The following ANKRD55 variants were observed in gnomAD, a reference collection of about 807,000 sequenced individuals.
ANKRD55 encodes the protein ankyrin repeat domain 55.
A neutral mutation model predicts 60.6 loss-of-function variants in ANKRD55; 41 were observed. The ratio of observed to expected loss-of-function variants is 0.68; its 90% CI spans 0.53 to 0.88. The LOEUF (loss-of-function observed/expected upper bound fraction) is 0.88, where lower values mean the gene tolerates loss of function less well. Ranked by LOEUF, ANKRD55 falls within the 40% of genes least tolerant of loss-of-function variation. ANKRD55 has a pLI of 0.00. For synonymous variants in ANKRD55, 264 were observed against 290.3 expected, an observed-to-expected ratio of 0.91 and a Z score of 0.92; for missense variants, 732 against 767.6, an observed-to-expected ratio of 0.95 and a Z score of 0.55.
intron 3 of ANKRD55, among the ~76,000 whole-genome samples, chr5:56,181,413 T>C (rs1758846584): frequency 6.6e-6 from 1 of 152,200 alleles, no homozygotes; most frequent in Non-Finnish European, 1.5e-5. Context: ...CTGAGATTTT[T>C]ATTATTAATA....
At chr5:56,229,915 T>C (rs1437460636) in intron 2 of ANKRD55, among the ~76,000 whole-genome samples, 2 of 152,048 alleles carry the variant, frequency 1.3e-5, no homozygotes, top group Non-Finnish European at 2.9e-5. Context: ...ACTTTGAACC[T>C]CTCTGTGCTT....
chr5:56,101,065 C>G (rs1202209338), intron 11 of ANKRD55, among the ~76,000 whole-genome samples: 1 of 152,202 alleles, frequency 6.6e-6, no homozygotes, highest in African/African-American at 2.4e-5. Context: ...GGACATATCC[C>G]TCTACCTCTT....
At chr5:56,191,966 G>GA (rs1314699687) in intron 2 of ANKRD55, among the ~76,000 whole-genome samples, 1 of 152,200 alleles carries the variant, frequency 6.6e-6, no homozygotes, top group Non-Finnish European at 1.5e-5. Context: ...CAAGTACAAA[G>GA]AAAAGTATGA....
At chr5:56,166,161 C>CTT (rs1208005252) in intron 5 of ANKRD55, among the ~76,000 whole-genome samples, 22 of 23,638 alleles carry the variant, frequency 9.3e-4, no homozygotes, top group South Asian at 7.6e-3. Flanking sequence ...TTTCTTCTTT[C>CTT]CTTCCTTCCT....
At chr5:56,232,745 A>AACACACACACACACAC in intron 2 of ANKRD55, 111 bp downstream of exon 2, 2 of 870,944 alleles carry the variant, frequency 2.3e-6, no homozygotes, top group Non-Finnish European at 3.6e-6. Flanking sequence ...CACGCACATG[A>AACACACACACACACAC]ACACACACAC....
chr5:56,193,803 T>C (rs917760770), intron 2 of ANKRD55, among the ~76,000 whole-genome samples: 3 of 152,198 alleles, frequency 2.0e-5, no homozygotes, highest in Admixed American at 6.5e-5. Flanking sequence ...TTAAATGAGC[T>C]GTGAAGTCTG....
intron 7 of ANKRD55, among the ~76,000 whole-genome samples, chr5:56,135,343 C>CTT (rs776528396): frequency 0.022 from 500 of 22,654 alleles, 36 homozygotes; most frequent in African/African-American, 0.12. Context: ...TTCTTTCTTT[C>CTT]TTTCTTTCTT....
At chr5:56,147,862 A>G (rs968576063) in intron 6 of ANKRD55, among the ~76,000 whole-genome samples, 2 of 152,196 alleles carry the variant, frequency 1.3e-5, no homozygotes, top group Non-Finnish European at 2.9e-5. Flanking sequence ...ACATTTTCCT[A>G]CAACTGCTTC....
At position 56,166,086 on chromosome 5, in the gene ANKRD55, T is replaced by TTTTCTTTCTTTCTTTCTTTCTTTC. The variant is rs754266953; in HGVS notation, c.422+4584_422+4607dup. Among the ~76,000 whole-genome samples the TTTTCTTTCTTTCTTTCTTTCTTTC allele has an allele frequency of 7.5e-4, 69 of 91,832 alleles. 3 individuals carry two copies. Among genetic ancestry groups the TTTTCTTTCTTTCTTTCTTTCTTTC allele is most frequent in the South Asian group, 1.5e-3 (4 of 2,642 alleles). The allele number at this position is 91,832 out of a possible 152,430, so 60.2% of individuals were successfully genotyped here. A position where few individuals can be genotyped will look rare whatever the true frequency, so the allele number is the denominator to read the frequency against. On this transcript the variant is annotated intron_variant, in intron 5 of 11. Coordinates refer to ENST00000341048, the MANE Select transcript of ANKRD55 (RefSeq NM_024669.3). ...CACCCTTCAGGGATCTTTCTTTTCT[T>TTTTCTTTCTTTCTTTCTTTCTTTC]TTTCTTTCTTTCTTTCTTTCTTTCT...
intron 7 of ANKRD55, among the ~76,000 whole-genome samples, chr5:56,140,160 A>G (rs1333387056): frequency 6.6e-6 from 1 of 152,248 alleles, no homozygotes; most frequent in Non-Finnish European, 1.5e-5. Flanking sequence ...GGAATAAATG[A>G]CAACGGGAAA....
intron 2 of ANKRD55, among the ~76,000 whole-genome samples, chr5:56,185,134 A>G (rs1758939925): frequency 6.6e-6 from 1 of 151,894 alleles, no homozygotes; most frequent in African/African-American, 2.4e-5. Context: ...GAGGCAGGAT[A>G]ATTGCTTGAA....
chr5:56,196,268 A>G (rs1034943519), intron 2 of ANKRD55, among the ~76,000 whole-genome samples: 2 of 152,248 alleles, frequency 1.3e-5, no homozygotes, highest in African/African-American at 2.4e-5. Flanking sequence ...CTGTCCCAGA[A>G]TAAGGGAGCA....
chr5:56,175,357 A>G (rs1191088597), intron 4 of ANKRD55, among the ~76,000 whole-genome samples: 3 of 152,238 alleles, frequency 2.0e-5, no homozygotes, highest in Non-Finnish European at 1.5e-5. Flanking sequence ...ACTGGTAGCA[A>G]TGGTGGTCAT....
chr5:56,202,639 TC>T (rs1368599981), intron 2 of ANKRD55, among the ~76,000 whole-genome samples: 1 of 152,216 alleles, frequency 6.6e-6, no homozygotes, highest in Non-Finnish European at 1.5e-5. Flanking sequence ...AAAGTGACCT[TC>T]ATACCGTGGG....
chr5:56,172,176 T>A (rs1580999862), intron 4 of ANKRD55, among the ~76,000 whole-genome samples: 1 of 148,468 alleles, frequency 6.7e-6, no homozygotes, highest in African/African-American at 2.5e-5. Flanking sequence ...AGGAAGATAA[T>A]GATAAGAAAA....
At chr5:56,138,749 A>G (rs1561265788) in intron 7 of ANKRD55, among the ~76,000 whole-genome samples, 2 of 152,246 alleles carry the variant, frequency 1.3e-5, no homozygotes, top group African/African-American at 4.8e-5. Context: ...TACATACAGT[A>G]CAATTCCAAT....
At chr5:56,175,794 T>G (rs1442181097) in intron 4 of ANKRD55, among the ~76,000 whole-genome samples, 1 of 152,174 alleles carries the variant, frequency 6.6e-6, no homozygotes, top group African/African-American at 2.4e-5. Context: ...TAATTGGATC[T>G]TCACAGTATT....
rs142447793 is a variant in ANKRD55 at position 56,232,745 on chromosome 5, A to AACACACAC, written c.58+103_58+110dup. ...ATACTCATGCACACCCACGCACATG[A>AACACACAC]ACACACACACACACACACACACACT... On this transcript the variant is annotated intron_variant, in intron 2 of 11. Transcript: ENST00000341048. The AACACACAC allele has an allele frequency of 6.4e-3, 5,570 of 871,374 alleles. 128 individuals are homozygous for AACACACAC. The African/African-American group carries it at 0.072, about 11-fold the overall frequency. 54.0% of individuals were successfully genotyped at this position (871,374 alleles called of 1,614,324 possible). A position where few individuals can be genotyped will look rare whatever the true frequency, so the allele number is the denominator to read the frequency against.
intron 8 of ANKRD55, among the ~76,000 whole-genome samples, chr5:56,124,055 T>G (rs1757161411): frequency 6.6e-6 from 1 of 152,174 alleles, no homozygotes; most frequent in African/African-American, 2.4e-5. Flanking sequence ...TATCAGTGAC[T>G]GAGGAATGAT....
Sources: gnomAD v4.1 joint callset for allele counts (sites outside exome capture counted in the v4.1 genomes callset) on GRCh38, gnomAD v4.1.1 for gene constraint, MANE v1.5 for transcripts, NCBI Gene and HGNC (gene_info 2026-07-23, HGNC 2026-07-21) for gene names.